The following RIMS4 variants were observed in gnomAD, a reference collection of about 807,000 sequenced individuals.
RIMS4 encodes the protein regulating synaptic membrane exocytosis 4.
A neutral mutation model predicts 29.0 loss-of-function variants in RIMS4; 9 were observed. The observed-to-expected ratio is 0.31, with a 90% CI of 0.19 to 0.54. The LOEUF (loss-of-function observed/expected upper bound fraction) is 0.54. RIMS4 is among the 20% of genes least tolerant of loss of function. The pLI is 0.94. For missense variants in RIMS4, 193 were observed against 365.7 expected, an observed-to-expected ratio of 0.53 and a Z score of 3.85; for synonymous variants, 130 against 152.9, an observed-to-expected ratio of 0.85 and a Z score of 1.10.
chr20:44,751,896 GAAACCCTCCCTCCCT>G lies in RIMS4; in HGVS notation c.*4223_*4237del, dbSNP rs2066034062. ...ACCCCACTCCAACCCAAGGGCCCCAGAAACCCTCCCTCCCTAAAGGCCTGGGCGGCTGCTGCTCCA... is the reference window on the plus strand; with the variant it reads ...ACCCCACTCCAACCCAAGGGCCCCAGAAAGGCCTGGGCGGCTGCTGCTCCA... On this transcript the variant is annotated 3_prime_UTR_variant, in exon 6 of 6. Coordinates refer to ENST00000372851, the MANE Select transcript of RIMS4 (RefSeq NM_182970.4). 6.6e-6 allele frequency: 1 copy of G among 152,222 alleles called. No homozygotes were observed. The highest frequency in any genetic ancestry group is 1.5e-5 in the Non-Finnish European group (1 of 68,084). 9.4% of individuals were successfully genotyped at this position (152,222 alleles called of 1,614,324 possible).
chr20:44,754,106 C>T lies in RIMS4; in HGVS notation c.*2028G>A, dbSNP rs780447649. On this transcript the variant is annotated 3_prime_UTR_variant, in exon 6 of 6. Transcript: ENST00000372851. ...AGTAATAAACGAACAGCAGAGAAAT[C>T]ACACTGGTTAGAAAAACAAACAGGC... The T allele has an allele frequency of 6.6e-6, 1 of 152,254 alleles. No homozygotes were observed. Among genetic ancestry groups the T allele is most frequent in the African/African-American group, 2.4e-5 (1 of 41,440 alleles). 9.4% of individuals were successfully genotyped at this position (152,254 alleles called of 1,614,324 possible).
At chr20:44,769,483 G>T (rs2066127547) in intron 2 of RIMS4, among the ~76,000 whole-genome samples, 1 of 152,210 alleles carries the variant, frequency 6.6e-6, no homozygotes, top group Non-Finnish European at 1.5e-5. Context: ...GGCAGAGCCA[G>T]GATTAGGACC....
rs551395208 is a variant in RIMS4, at chr20:44,778,196, C to G, written c.98-6783G>C. On this transcript the variant is annotated intron_variant, in intron 1 of 5. Coordinates refer to ENST00000372851, the MANE Select transcript of RIMS4 (RefSeq NM_182970.4). The stretch of plus-strand genomic sequence containing the variant: ...TCTCCAAGGATGGGTGGAGGAAGCA[C>G]AACCCTGATTACTTCTGTGAGGGCC... 2.0e-5 allele frequency among the ~76,000 whole-genome samples: 3 copies of G among 152,332 alleles called. No individual in the cohort carries two copies. The South Asian group carries it at 6.2e-4, about 32-fold the overall frequency.
intron 2 of RIMS4, among the ~76,000 whole-genome samples, chr20:44,770,101 T>C (rs562826744): frequency 6.6e-6 from 1 of 152,294 alleles, no homozygotes; most frequent in South Asian, 2.1e-4. Flanking sequence ...TTGTGGAATT[T>C]AACTTTTCTA....
intron 1 of RIMS4, among the ~76,000 whole-genome samples, chr20:44,784,757 G>A (rs2145465556): frequency 1.3e-5 from 2 of 152,362 alleles, no homozygotes; most frequent in South Asian, 4.1e-4. Context: ...CAGAGTTGCA[G>A]AGAAGCTGGG....
rs1263639811 is a variant in RIMS4, at chr20:44,754,320, C to T, written c.*1814G>A. 1 of 155,698 alleles carries T rather than the reference C, an allele frequency of 6.4e-6. No homozygotes were observed. The highest frequency in any genetic ancestry group is 1.4e-5 in the Non-Finnish European group (1 of 69,410). The allele number at this position is 155,698 out of a possible 1,614,324, so 9.6% of individuals were successfully genotyped here. A position where few individuals can be genotyped will look rare whatever the true frequency, so the allele number is the denominator to read the frequency against. On this transcript the variant is annotated 3_prime_UTR_variant, in exon 6 of 6. Transcript: ENST00000372851. Reference sequence around the variant, plus strand: ...TGGAGGTGATATACATTGACCAGAACTTTAAAGAATACCCAGGGTTTCCAC... The same window carrying T: ...TGGAGGTGATATACATTGACCAGAATTTTAAAGAATACCCAGGGTTTCCAC...
At chr20:44,766,984 G>C (rs544121799) in intron 2 of RIMS4, among the ~76,000 whole-genome samples, 1 of 152,314 alleles carries the variant, frequency 6.6e-6, no homozygotes, top group South Asian at 2.1e-4. Flanking sequence ...CACTTCCTGA[G>C]GAGATAACTC....
At chr20:44,795,170 T>A (rs367858598) in intron 1 of RIMS4, among the ~76,000 whole-genome samples, 2 of 152,214 alleles carry the variant, frequency 1.3e-5, no homozygotes, top group African/African-American at 4.8e-5. Context: ...TACCACGCAC[T>A]GTGCTAAGGG....
rs537832145 is a variant in RIMS4 at position 44,753,537 on chromosome 20, C to T, written c.*2597G>A. The T allele has an allele frequency of 1.3e-5, 2 of 152,414 alleles. No homozygotes were observed. The highest frequency in any genetic ancestry group is 1.3e-4 in the Admixed American group (2 of 15,282). 9.4% of individuals were successfully genotyped at this position (152,414 alleles called of 1,614,324 possible). A position where few individuals can be genotyped will look rare whatever the true frequency, so the allele number is the denominator to read the frequency against. ...GTCATCCCCTGGAGACCCCAGCCCC[C>T]CAGTGGCCCCTAGTGCCAGCCTCTC... On this transcript the variant is annotated 3_prime_UTR_variant, in exon 6 of 6. Transcript: ENST00000372851.
chr20:44,791,625 C>G (rs145763676), intron 1 of RIMS4, among the ~76,000 whole-genome samples: 6 of 152,300 alleles, frequency 3.9e-5, no homozygotes, highest in African/African-American at 1.4e-4. Flanking sequence ...CTCCCACTCC[C>G]GGGTGTGGAA....
chr20:44,761,457 CA>C (rs2066084707), intron 2 of RIMS4, among the ~76,000 whole-genome samples: 1 of 152,202 alleles, frequency 6.6e-6, no homozygotes, highest in South Asian at 2.1e-4. Flanking sequence ...GCCTGTGGCA[CA>C]GGGCAGGCTG....
At chr20:44,795,274 C>A (rs1006232828) in intron 1 of RIMS4, among the ~76,000 whole-genome samples, 6 of 152,240 alleles carry the variant, frequency 3.9e-5, no homozygotes, top group Admixed American at 3.3e-4. Context: ...TTGAATTCTG[C>A]CTTGGACCCT....
In RIMS4 at chr20:44,753,778, C is replaced by A; in HGVS notation, c.*2356G>T. On this transcript the variant is annotated 3_prime_UTR_variant, in exon 6 of 6. Transcript: ENST00000372851. Reference sequence around the variant, plus strand: ...ACGATGACACAAAGAAACAGGGCTCCAGCCCCCAGCTGCTCCACCCCTCCA... The same window carrying A: ...ACGATGACACAAAGAAACAGGGCTCAAGCCCCCAGCTGCTCCACCCCTCCA... The A allele has an allele frequency of 6.5e-6, 1 of 152,862 alleles. No homozygotes were observed. The highest frequency in any genetic ancestry group is 1.5e-5 in the Non-Finnish European group (1 of 68,162). 9.5% of individuals were successfully genotyped at this position (152,862 alleles called of 1,614,324 possible).
chr20:44,768,809 C>A (rs2066124677), intron 2 of RIMS4, among the ~76,000 whole-genome samples: 3 of 152,216 alleles, frequency 2.0e-5, no homozygotes, highest in African/African-American at 7.2e-5. Flanking sequence ...ACTTTATAGA[C>A]ACAACTGTAT....
intron 1 of RIMS4, among the ~76,000 whole-genome samples, chr20:44,806,388 A>C (rs2066298813): frequency 6.6e-6 from 1 of 152,180 alleles, no homozygotes; most frequent in African/African-American, 2.4e-5. Context: ...GGTGCAAATG[A>C]AGTGGTCAGG....
chr20:44,780,186 T>C (rs1171253605), intron 1 of RIMS4, among the ~76,000 whole-genome samples: 3 of 152,234 alleles, frequency 2.0e-5, no homozygotes, highest in East Asian at 1.9e-4. Flanking sequence ...AAGCATTTTT[T>C]CAACATCTCC....
intron 1 of RIMS4, among the ~76,000 whole-genome samples, chr20:44,783,423 G>A (rs2066193501): frequency 6.6e-6 from 1 of 152,212 alleles, no homozygotes; most frequent in South Asian, 2.1e-4. Context: ...GGGAGTTTGA[G>A]ATCACCCTGA....
intron 1 of RIMS4, among the ~76,000 whole-genome samples, chr20:44,796,367 A>T (rs1180615205): frequency 1.3e-5 from 2 of 152,224 alleles, no homozygotes; most frequent in Non-Finnish European, 2.9e-5. Flanking sequence ...GGTCACCAGA[A>T]CACAGCTTGG....
At chr20:44,762,115 C>T (rs1044627161) in intron 2 of RIMS4, among the ~76,000 whole-genome samples, 4 of 152,236 alleles carry the variant, frequency 2.6e-5, no homozygotes, top group African/African-American at 9.6e-5. Context: ...AAGGAGCTTG[C>T]AACCTAGATC....
Sources: gnomAD v4.1 joint callset for allele counts (sites outside exome capture counted in the v4.1 genomes callset) on GRCh38, gnomAD v4.1.1 for gene constraint, MANE v1.5 for transcripts, NCBI Gene and HGNC (gene_info 2026-07-23, HGNC 2026-07-21) for gene names.